Variants in DDX60 observed in about 807,000 individuals in gnomAD.
DDX60 encodes the protein DExD/H-box helicase 60, also known as probable ATP-dependent RNA helicase DDX60.
Under a neutral mutation model 212.8 loss-of-function variants are expected in DDX60, and 165 were observed. The observed-to-expected ratio is 0.78, with a 90% CI of 0.68 to 0.88. The LOEUF is 0.88. Ranked by LOEUF, DDX60 falls within the 40% of genes least tolerant of loss-of-function variation. The probability of loss-of-function intolerance (pLI) is 0.00; values close to 1 mark genes in which losing one functional copy is unlikely to be tolerated. For missense variants in DDX60, 1,905 were observed against 2,003.9 expected, an observed-to-expected ratio of 0.95 and a Z score of 0.94; for synonymous variants, 703 against 685.3, an observed-to-expected ratio of 1.03 and a Z score of -0.40.
chr4:168,222,677 T>C (rs1012070639), intron 35 of DDX60, among the ~76,000 whole-genome samples: 1 of 152,262 alleles, frequency 6.6e-6, no homozygotes, highest in South Asian at 2.1e-4. Context: ...TGAGACTTGT[T>C]TGGCACAGCT....
At chr4:168,295,791 G>A (rs2149538916) in intron 6 of DDX60, among the ~76,000 whole-genome samples, 2 of 152,292 alleles carry the variant, frequency 1.3e-5, no homozygotes, top group South Asian at 4.2e-4. Flanking sequence ...CAGTGAAAAT[G>A]AGGTATATAT....
rs1733055501 is a variant in DDX60 at position 168,221,712 on chromosome 4, C to T, written c.4976+18G>A. The T allele has an allele frequency of 1.3e-6, 2 of 1,582,742 alleles. No homozygotes were observed. Among genetic ancestry groups the T allele is most frequent in the Non-Finnish European group, 1.7e-6 (2 of 1,157,316 alleles). ...AGATGGGAGGACAGAGAAACAGAGA[C>T]AGACAGAGAGGACATACCTGTTATC... is the stretch of plus-strand genomic sequence containing the variant. On this transcript the variant is annotated intron_variant, in intron 36 of 37. Coordinates refer to ENST00000393743, the MANE Select transcript of DDX60 (RefSeq NM_017631.6).
chr4:168,307,889 T>A (rs746729448), intron 4 of DDX60, 117 bp downstream of exon 4: 7 of 513,296 alleles, frequency 1.4e-5, no homozygotes, highest in Non-Finnish European at 1.8e-5. Context: ...TCCTTTCAAT[T>A]TTCTGAACTT....
At chr4:168,251,208 C>G (rs549357696) in intron 27 of DDX60, 102 bp from the exon 28 acceptor site, 2 of 1,109,808 alleles carry the variant, frequency 1.8e-6, no homozygotes, top group African/African-American at 3.2e-5. Flanking sequence ...TTTGGCTAAA[C>G]AGGCAACTAT....
chr4:168,299,456 A>G (rs747786181), intron 6 of DDX60, among the ~76,000 whole-genome samples: 1 of 152,020 alleles, frequency 6.6e-6, no homozygotes, highest in Non-Finnish European at 1.5e-5. Context: ...CAAAAAAGTA[A>G]GATGAAAGAA....
upstream of DDX60, among the ~76,000 whole-genome samples, chr4:168,320,519 A>T (rs1052994540): frequency 6.6e-6 from 1 of 152,184 alleles, no homozygotes; most frequent in Admixed American, 6.5e-5. Flanking sequence ...ACTTCAGCCC[A>T]GAGAGACTGA....
intron 6 of DDX60, among the ~76,000 whole-genome samples, chr4:168,296,559 C>CA (rs1400674096): frequency 6.6e-6 from 1 of 152,054 alleles, no homozygotes; most frequent in East Asian, 1.9e-4. Context: ...ACCCCACTAA[C>CA]ATGCCTGGAT....
At chr4:168,315,602 G>T (rs1253373219) in intron 1 of DDX60, among the ~76,000 whole-genome samples, 2 of 152,134 alleles carry the variant, frequency 1.3e-5, no homozygotes, top group Non-Finnish European at 2.9e-5. Flanking sequence ...ACAAGCCCCA[G>T]TGTGTGAGGT....
intron 1 of DDX60, among the ~76,000 whole-genome samples, chr4:168,316,746 A>G (rs954209689): frequency 6.6e-6 from 1 of 152,140 alleles, no homozygotes; most frequent in African/African-American, 2.4e-5. Context: ...ACAAAAATAG[A>G]GGCAAGTGTC....
intron 10 of DDX60, among the ~76,000 whole-genome samples, chr4:168,286,428 A>AC (rs1735859108): frequency 2.2e-5 from 1 of 46,482 alleles, no homozygotes; most frequent in Non-Finnish European, 4.3e-5. Context: ...CACACGAGAT[A>AC]GATAGATAGA....
chr4:168,309,604 A>G (rs1737042455), intron 3 of DDX60, among the ~76,000 whole-genome samples: 1 of 152,172 alleles, frequency 6.6e-6, no homozygotes, highest in African/African-American at 2.4e-5. Context: ...AAGAAAAAGC[A>G]AAGTATATGA....
At chr4:168,264,929 A>G (rs532089185) in intron 22 of DDX60, among the ~76,000 whole-genome samples, 1 of 152,358 alleles carries the variant, frequency 6.6e-6, no homozygotes, top group African/African-American at 2.4e-5. Flanking sequence ...TAAACACAAT[A>G]GTATTATACC....
At chr4:168,267,089 C>T (rs1423753147) in intron 22 of DDX60, among the ~76,000 whole-genome samples, 2 of 152,156 alleles carry the variant, frequency 1.3e-5, no homozygotes, top group Admixed American at 6.5e-5. Flanking sequence ...CCCACTCACA[C>T]CCCGGTGTCC....
At chr4:168,245,043 G>C (rs1733975858) in intron 30 of DDX60, among the ~76,000 whole-genome samples, 1 of 152,106 alleles carries the variant, frequency 6.6e-6, no homozygotes, top group Non-Finnish European at 1.5e-5. Context: ...CAATATGAAT[G>C]TACTTAACAC....
chr4:168,287,418 T>C (rs986848990), intron 9 of DDX60, among the ~76,000 whole-genome samples: 5 of 152,210 alleles, frequency 3.3e-5, no homozygotes, highest in African/African-American at 1.2e-4. Context: ...TGTTAATAAC[T>C]AAGTATTAAA....
At chr4:168,295,777 C>T (rs917519807) in intron 6 of DDX60, among the ~76,000 whole-genome samples, 2 of 151,986 alleles carry the variant, frequency 1.3e-5, no homozygotes, top group African/African-American at 2.4e-5. Context: ...AACAGATGAA[C>T]GGACAGTGAA....
Position 168,292,053 on chromosome 4 carries a change from T to C in DDX60, c.883-147A>G, listed in dbSNP as rs375072525. 812 of 334,696 alleles carry C rather than the reference T, an allele frequency of 2.4e-3. 6 individuals carry two copies. The highest frequency in any genetic ancestry group is 2.9e-3 in the Middle Eastern group (3 of 1,036). 20.7% of individuals were successfully genotyped at this position (334,696 alleles called of 1,614,324 possible). On this transcript the variant is annotated intron_variant, in intron 7 of 37. Coordinates refer to ENST00000393743, the MANE Select transcript of DDX60 (RefSeq NM_017631.6). Reference sequence around the variant, plus strand: ...TCTTTCTTTCTTTCTTTCTTTCTTTTTTTTTTTTTTTTTGAGACAGAGTTT... The same window carrying C: ...TCTTTCTTTCTTTCTTTCTTTCTTTCTTTTTTTTTTTTTGAGACAGAGTTT...
At chr4:168,246,735 T>C (rs992926839) in intron 29 of DDX60, 117 bp from the exon 30 acceptor site, 4 of 1,055,938 alleles carry the variant, frequency 3.8e-6, no homozygotes, top group South Asian at 1.6e-5. Flanking sequence ...TGTCTAACCA[T>C]TAAGGAACGG....
chr4:168,229,039 C>G (rs1378554636), intron 33 of DDX60, among the ~76,000 whole-genome samples: 2 of 151,934 alleles, frequency 1.3e-5, no homozygotes, highest in Non-Finnish European at 2.9e-5. Flanking sequence ...ACTTGCAGCT[C>G]CCACTCAGAC....
Sources: gnomAD v4.1 joint callset for allele counts (sites outside exome capture counted in the v4.1 genomes callset) on GRCh38, gnomAD v4.1.1 for gene constraint, MANE v1.5 for transcripts, NCBI Gene and HGNC (gene_info 2026-07-23, HGNC 2026-07-21) for gene names.